Variants in DOCK4 observed in about 807,000 individuals in gnomAD.
The protein encoded by DOCK4 is dedicator of cytokinesis 4, also known as dedicator of cytokinesis protein 4.
A neutral mutation model predicts 268.1 loss-of-function variants in DOCK4; 97 were observed. That is an observed-to-expected ratio of 0.36 (90% confidence interval 0.31 to 0.43). DOCK4 has a LOEUF of 0.43. Ranked by LOEUF, DOCK4 falls within the 20% of genes least tolerant of loss-of-function variation. The pLI, the probability that DOCK4 is intolerant of heterozygous loss-of-function variation, is 1.00. For synonymous variants in DOCK4, 954 were observed against 887.2 expected, an observed-to-expected ratio of 1.08 and a Z score of -1.34; for missense variants, 2,145 against 2,455.7, an observed-to-expected ratio of 0.87 and a Z score of 2.67.
chr7:111,965,198 C>T (rs1482117775), intron 8 of DOCK4, among the ~76,000 whole-genome samples: 1 of 50,044 alleles, frequency 2.0e-5, no homozygotes, highest in Non-Finnish European at 3.2e-5. Flanking sequence ...CAAATTCACA[C>T]ATAACAATAT....
intron 1 of DOCK4, among the ~76,000 whole-genome samples, chr7:112,027,160 A>T (rs1225702048): frequency 6.6e-6 from 1 of 152,206 alleles, no homozygotes; most frequent in Non-Finnish European, 1.5e-5. Context: ...AGCCTCTAGG[A>T]CCAGAAAAAG....
chr7:111,864,175 T>G (rs914266059), intron 22 of DOCK4, among the ~76,000 whole-genome samples: 4 of 151,788 alleles, frequency 2.6e-5, no homozygotes, highest in African/African-American at 9.7e-5. Flanking sequence ...ACAAGAACCC[T>G]CTGGGTTGCT....
At chr7:111,925,930 C>CAATA (rs568583311) in intron 12 of DOCK4, among the ~76,000 whole-genome samples, 2,086 of 147,902 alleles carry the variant, frequency 0.014, 96 homozygotes, top group African/African-American at 0.049. Context: ...TACTAAAATA[C>CAATA]AATAAATAAA....
At chr7:111,867,344 A>T (rs1806056623) in intron 22 of DOCK4, among the ~76,000 whole-genome samples, 1 of 152,208 alleles carries the variant, frequency 6.6e-6, no homozygotes, top group South Asian at 2.1e-4. Flanking sequence ...AGTCATTAGA[A>T]TTAAAAGTAT....
chr7:111,856,402 C>T (rs143212226), intron 23 of DOCK4, among the ~76,000 whole-genome samples: 18 of 152,274 alleles, frequency 1.2e-4, no homozygotes, highest in African/African-American at 4.3e-4. Flanking sequence ...TGAGGTGTTA[C>T]CTAAAACTAT....
intron 1 of DOCK4, among the ~76,000 whole-genome samples, chr7:112,137,255 C>G (rs1235695961): frequency 6.6e-6 from 1 of 152,148 alleles, no homozygotes; most frequent in African/African-American, 2.4e-5. Flanking sequence ...ACCTTCTACT[C>G]AATTGAATAA....
intron 1 of DOCK4, among the ~76,000 whole-genome samples, chr7:112,007,968 C>T (rs1562986044): frequency 6.6e-6 from 1 of 152,182 alleles, no homozygotes; most frequent in African/African-American, 2.4e-5. Flanking sequence ...TATTCATGTA[C>T]ACTTCCCAGG....
intron 1 of DOCK4, among the ~76,000 whole-genome samples, chr7:112,118,328 A>G (rs1812370122): frequency 6.6e-6 from 1 of 152,156 alleles, no homozygotes. Context: ...TAAGTAATTT[A>G]TTGTCATACT....
At chr7:112,020,326 A>T (rs144751008) in intron 1 of DOCK4, among the ~76,000 whole-genome samples, 1 of 152,342 alleles carries the variant, frequency 6.6e-6, no homozygotes, top group African/African-American at 2.4e-5. Context: ...CTCACTGTGC[A>T]TCAATCCTGA....
chr7:112,195,789 T>C (rs924627773), intron 1 of DOCK4, among the ~76,000 whole-genome samples: 3 of 152,080 alleles, frequency 2.0e-5, no homozygotes, highest in East Asian at 1.9e-4. Context: ...CAATTGATAG[T>C]CTAATAAACA....
chr7:112,059,132 T>C (rs1000495000), intron 1 of DOCK4, among the ~76,000 whole-genome samples: 3 of 144,966 alleles, frequency 2.1e-5, no homozygotes, highest in Non-Finnish European at 4.4e-5. Flanking sequence ...CTGCAGCATT[T>C]CCTTTTTTTT....
At chr7:112,133,628 G>A (rs1814024948) in intron 1 of DOCK4, among the ~76,000 whole-genome samples, 1 of 152,136 alleles carries the variant, frequency 6.6e-6, no homozygotes, top group African/African-American at 2.4e-5. Context: ...GCTGAGGCAG[G>A]AAGATTGCTT....
rs537842234 is a variant in DOCK4, at chr7:111,892,900, T to G, written c.1587+2712A>C. 2.0e-5 allele frequency among the ~76,000 whole-genome samples: 3 copies of G among 152,296 alleles called. No individual in the cohort carries two copies. In the East Asian group the frequency reaches 5.8e-4, roughly 29 times the overall value. On this transcript the variant is annotated intron_variant, in intron 16 of 52. Coordinates refer to ENST00000428084, the MANE Select transcript of DOCK4 (RefSeq NM_001363540.2). ...AACTCTGTAAATAAGAAATACTAAA[T>G]AACCCTATTCATAAGAAAACTCAGC... is the stretch of plus-strand genomic sequence containing the variant.
At position 111,869,761 on chromosome 7, in the gene DOCK4, T is replaced by A. The variant is rs1212986500; in HGVS notation, c.2028-106A>T. ...TATCATGAGGAGGTTTCTTTTCCCA[T>A]CAGTTCTCACATTTTCCTGTCAATC... is the stretch of plus-strand genomic sequence containing the variant. On this transcript the variant is annotated intron_variant, in intron 20 of 52. Transcript: ENST00000428084. The A allele has an allele frequency of 7.8e-6, 7 of 900,922 alleles. 1 individual carries two copies. The highest frequency in any genetic ancestry group is 1.0e-5 in the Non-Finnish European group (6 of 571,582). The allele number at this position is 900,922 out of a possible 1,614,324, so 55.8% of individuals were successfully genotyped here.
intron 12 of DOCK4, among the ~76,000 whole-genome samples, chr7:111,920,273 C>T (rs939855553): frequency 4.6e-5 from 7 of 152,044 alleles, no homozygotes; most frequent in African/African-American, 1.7e-4. Flanking sequence ...TTAAAAATCG[C>T]TAAGAGAGTG....
At chr7:111,798,694 G>A (rs78242573) in intron 30 of DOCK4, among the ~76,000 whole-genome samples, 2,669 of 152,288 alleles carry the variant, frequency 0.018, 82 homozygotes, top group African/African-American at 0.06. Flanking sequence ...ACAAAAGGAG[G>A]ATAAGCAGTA....
chr7:111,783,957 A>G lies in DOCK4; in HGVS notation c.3429-5T>C. ...CGCTCAATTTTCTTTAGTAGACTGG[A>G]AAAGAAAGAACCCGGGGCATTTTCA... On this transcript the variant is annotated splice_region_variant and splice_polypyrimidine_tract_variant and intron_variant, in intron 33 of 52. Coordinates refer to ENST00000428084, the MANE Select transcript of DOCK4 (RefSeq NM_001363540.2). 1 of 1,596,242 alleles carries G rather than the reference A, an allele frequency of 6.3e-7. No homozygotes were observed.
At chr7:111,908,162 A>C (rs976784139) in intron 13 of DOCK4, among the ~76,000 whole-genome samples, 3 of 151,880 alleles carry the variant, frequency 2.0e-5, no homozygotes, top group Non-Finnish European at 4.4e-5. Flanking sequence ...AGGAATATTT[A>C]TATTGGCCGG....
chr7:112,163,582 TTTAA>T (rs10548443), intron 1 of DOCK4, among the ~76,000 whole-genome samples: 1,662 of 152,354 alleles, frequency 0.011, 11 homozygotes, highest in Middle Eastern at 0.027. Flanking sequence ...TTATTATTTA[TTTAA>T]TTATTTATTT....
Sources: allele counts gnomAD v4.1 joint callset (sites outside exome capture counted in the v4.1 genomes callset), GRCh38; gene constraint gnomAD v4.1.1; transcripts MANE v1.5; gene names NCBI Gene and HGNC (gene_info 2026-07-23, HGNC 2026-07-21).